The following PARVB variants were observed in gnomAD, a reference collection of about 807,000 sequenced individuals.
PARVB encodes beta-parvin.
PARVB carries 46 observed loss-of-function variants against 47.0 expected under a neutral mutation model. The ratio of observed to expected loss-of-function variants is 0.98; its 90% confidence interval spans 0.77 to 1.25. The LOEUF is 1.25. Ranked by LOEUF, PARVB falls within the 50% of genes most tolerant of loss-of-function variation. The probability of loss-of-function intolerance (pLI) is 0.00; values close to 1 mark genes in which losing one functional copy is unlikely to be tolerated. For missense variants in PARVB, 473 were observed against 471.6 expected (o/e 1.00, Z -0.03); for synonymous variants, 196 against 196.3 (o/e 1.00, Z 0.01).
intron 1 of PARVB, among the ~76,000 whole-genome samples, chr22:44,035,401 C>T (rs55708817): frequency 0.015 from 2,047 of 137,102 alleles, 57 homozygotes; most frequent in African/African-American, 0.054. Context: ...GACGGAGTCT[C>T]GCTCTGTTGC....
chr22:44,008,236 C>T (rs996903854), intron 2 of PARVB, among the ~76,000 whole-genome samples: 3 of 152,022 alleles, frequency 2.0e-5, no homozygotes, highest in East Asian at 1.9e-4. Flanking sequence ...CGCCCGCCTC[C>T]GAGTAGCTGG....
Position 44,049,384 on chromosome 22 carries a change from G to A in PARVB, c.112+24933G>A, listed in dbSNP as rs9625976. Among the ~76,000 whole-genome samples the A allele has an allele frequency of 0.023, 3,443 of 152,244 alleles. 141 individuals carry two copies. Among genetic ancestry groups the A allele is most frequent in the African/African-American group, 0.079 (3,272 of 41,546 alleles). ...GGCCCTAGACAAGAATCGGAGGTCC[G>A]TTTCTCAAGTTTAGCTCCTGTCTGA... On this transcript the variant is annotated intron_variant, in intron 1 of 12. Transcript: ENST00000338758. This position sits in a 1 kb window ranked among gnomAD's most constrained non-coding sequence, Gnocchi z 4.0.
intron 8 of PARVB, 77 bp from the exon 9 acceptor site, chr22:44,147,784 C>G (rs753054166): frequency 8.3e-7 from 1 of 1,198,418 alleles, no homozygotes. Context: ...GGATCAGAAG[C>G]TGGCAGGGCC....
In PARVB at chr22:44,027,914, C is replaced by CATATATATAT. The variant is rs3083338; in HGVS notation, c.112+3480_112+3489dup. 4.6e-3 allele frequency among the ~76,000 whole-genome samples: 618 copies of CATATATATAT among 133,196 alleles called. 7 individuals carry two copies. Among genetic ancestry groups the CATATATATAT allele is most frequent in the South Asian group, 0.01 (42 of 4,010 alleles). 87.4% of individuals were successfully genotyped at this position (133,196 alleles called of 152,430 possible). A position where few individuals can be genotyped will look rare whatever the true frequency, so the allele number is the denominator to read the frequency against. ...CTCCATATCAAATAGAAAAAAAAAC[C>CATATATATAT]ATATATATATATATATATATATATA... is the stretch of plus-strand genomic sequence containing the variant. On this transcript the variant is annotated intron_variant, in intron 1 of 12. Transcript: ENST00000338758.
chr22:44,106,449 C>G (rs536340841), intron 3 of PARVB: 1 of 152,234 alleles, frequency 6.6e-6, no homozygotes, highest in African/African-American at 2.4e-5. Flanking sequence ...AGTGGTTCCT[C>G]GGAGGCATTT....
intron 12 of PARVB, among the ~76,000 whole-genome samples, 154 bp from the exon 13 acceptor site, chr22:44,168,448 A>G (rs2054220636): frequency 6.6e-6 from 1 of 152,030 alleles, no homozygotes; most frequent in Non-Finnish European, 1.5e-5. Context: ...CACTGCCCAG[A>G]GCGTCCTGGA....
chr22:44,012,593 G>C (rs1041337778), intron 2 of PARVB, among the ~76,000 whole-genome samples: 2 of 152,158 alleles, frequency 1.3e-5, no homozygotes, highest in African/African-American at 4.8e-5. Context: ...CCAAAGTGCA[G>C]TAAGATTGCC....
chr22:44,043,348 T>TA (rs1432008774), intron 1 of PARVB, among the ~76,000 whole-genome samples: 1 of 152,172 alleles, frequency 6.6e-6, no homozygotes, highest in Non-Finnish European at 1.5e-5. Flanking sequence ...GTGAATTTAC[T>TA]AAAAATCATT....
chr22:44,017,061 G>C (rs1249395598), intron 2 of PARVB, among the ~76,000 whole-genome samples: 3 of 152,040 alleles, frequency 2.0e-5, no homozygotes, highest in African/African-American at 7.3e-5. Context: ...TTTTAGTAGA[G>C]ATGGGGTTTC....
At chr22:44,161,065 C>T (rs984833222) in intron 11 of PARVB, among the ~76,000 whole-genome samples, 3 of 152,098 alleles carry the variant, frequency 2.0e-5, no homozygotes, top group Non-Finnish European at 2.9e-5. Flanking sequence ...CTCGCTATTC[C>T]CTCTCTTTGC....
rs13055085 is a variant in PARVB, at chr22:44,024,793, A to T, written c.112+342A>T. ...GCGGCATAGCCAGCCGCGCGGGGTG[A>T]CCGTTCATTCCATGAGCAGTGACGC... On this transcript the variant is annotated intron_variant, in intron 1 of 12. Coordinates refer to ENST00000338758, the MANE Select transcript of PARVB (RefSeq NM_013327.5). Among the ~76,000 whole-genome samples, 87 of 152,082 alleles carry T rather than the reference A, an allele frequency of 5.7e-4. 1 individual carries two copies. The highest frequency in any genetic ancestry group is 1.9e-3 in the African/African-American group (79 of 41,518).
At chr22:44,044,226 T>C (rs1458073231) in intron 1 of PARVB, among the ~76,000 whole-genome samples, 1 of 150,420 alleles carries the variant, frequency 6.6e-6, no homozygotes, top group African/African-American at 2.5e-5. Flanking sequence ...AGTCTCGCTC[T>C]GTTGTCAAGG....
intron 8 of PARVB, chr22:44,144,442 C>T (rs1231701464): frequency 1.3e-5 from 2 of 152,238 alleles, no homozygotes; most frequent in African/African-American, 4.8e-5. Context: ...GTTGCCACAG[C>T]CTCCAGTTCT....
chr22:44,101,024 C>T lies in PARVB; in HGVS notation c.273+901C>T, dbSNP rs544957697. On this transcript the variant is annotated intron_variant, in intron 3 of 12. Transcript: ENST00000338758. ...TTAAAAAGCTTCTCCACCTTCACCA[C>T]CACAGTGGACCCAATGCTGGGCTGT... is the stretch of plus-strand genomic sequence containing the variant. Among the ~76,000 whole-genome samples the T allele has an allele frequency of 4.6e-5, 7 of 152,372 alleles. No individual in the cohort carries two copies. The South Asian group carries it at 1.4e-3, about 32-fold the overall frequency.
intron 1 of PARVB, among the ~76,000 whole-genome samples, chr22:44,029,799 A>C (rs1031215753): frequency 6.6e-6 from 1 of 151,966 alleles, no homozygotes; most frequent in African/African-American, 2.4e-5. Context: ...AATCCCAGCT[A>C]CTCAGGAGGC....
rs201726985 is a variant in PARVB, at chr22:44,131,562, C to T, written c.452C>T (p.Thr151Met). ...ATAGGGCAGAAACAGAAGCTGCAGACGGTGCTGGAAGCAGTACATGACCTG... is the reference window on the plus strand; with the variant it reads ...ATAGGGCAGAAACAGAAGCTGCAGATGGTGCTGGAAGCAGTACATGACCTG... ...SEIGQKQKLQTVLEAVHDLLR... is the reference protein window; with the variant it reads ...SEIGQKQKLQMVLEAVHDLLR... The change falls in exon 5 of 13, where the codon ACG becomes ATG. Residue 151 changes from threonine to methionine, a missense_variant. Thr to Met is a moderately conservative substitution (Grantham distance 81). Coordinates refer to ENST00000338758, the MANE Select transcript of PARVB (RefSeq NM_013327.5). 65 of 1,614,038 alleles carry T rather than the reference C, an allele frequency of 4.0e-5. No homozygotes were observed. Among genetic ancestry groups the T allele is most frequent in the South Asian group, 5.5e-5 (5 of 91,092 alleles).
At chr22:44,079,626 C>T (rs752864711) in intron 1 of PARVB, among the ~76,000 whole-genome samples, 10 of 152,328 alleles carry the variant, frequency 6.6e-5, no homozygotes, top group South Asian at 2.1e-4. Flanking sequence ...GACTTCAGGT[C>T]GTGCTGACTG....
rs750922326 is a variant in PARVB at position 44,100,522 on chromosome 22, G to C, written c.273+399G>C. 3.7e-4 allele frequency among the ~76,000 whole-genome samples: 56 copies of C among 152,218 alleles called. No homozygotes were observed. In the Middle Eastern group the frequency reaches 0.024, roughly 65 times the overall value. ...CTGAAAAGCAGGAGGGGTCACCCTGGCCACTCCTGGCCAGGAGCCATCTGA... is the reference window on the plus strand; with the variant it reads ...CTGAAAAGCAGGAGGGGTCACCCTGCCCACTCCTGGCCAGGAGCCATCTGA... On this transcript the variant is annotated intron_variant, in intron 3 of 12. Coordinates refer to ENST00000338758, the MANE Select transcript of PARVB (RefSeq NM_013327.5).
In PARVB at chr22:44,055,187, C is replaced by T. The variant is rs139605901; in HGVS notation, c.112+30736C>T. ...TCCTGCTATCCAGCTTAAGAAATAA[C>T]ATTACCTGTTCCCCGAGCCATATGC... On this transcript the variant is annotated intron_variant, in intron 1 of 12. Coordinates refer to ENST00000338758, the MANE Select transcript of PARVB (RefSeq NM_013327.5). Among the ~76,000 whole-genome samples, 726 of 152,118 alleles carry T rather than the reference C, an allele frequency of 4.8e-3. 7 individuals are homozygous for T. The highest frequency in any genetic ancestry group is 0.016 in the African/African-American group (683 of 41,512).
Sources: allele counts gnomAD v4.1 joint callset (sites outside exome capture counted in the v4.1 genomes callset), GRCh38; gene constraint gnomAD v4.1.1; non-coding constraint Gnocchi (gnomAD v3.1); transcripts MANE v1.5; gene names NCBI Gene and HGNC (gene_info 2026-07-23, HGNC 2026-07-21).